The following PRELID3B variants were observed in gnomAD, a reference collection of about 807,000 sequenced individuals.
The protein encoded by PRELID3B is PRELI domain containing 3B, also known as PRELI domain containing protein 3B.
PRELID3B carries 15 observed loss-of-function variants against 24.0 expected under a neutral mutation model. The ratio of observed to expected loss-of-function variants is 0.63; its 90% confidence interval spans 0.42 to 0.96. The LOEUF is 0.96. PRELID3B is among the 40% of genes least tolerant of loss of function. PRELID3B has a pLI of 0.00. For synonymous variants in PRELID3B, 62 were observed against 76.0 expected (o/e 0.82, Z 0.96); for missense variants, 189 against 236.0 (o/e 0.80, Z 1.30).
At chr20:59,036,808 A>T (rs2092076500) in intron 3 of PRELID3B, 48 bp from the exon 4 acceptor site, 5 of 1,285,552 alleles carry the variant, frequency 3.9e-6, no homozygotes, top group Non-Finnish European at 5.4e-6. Context: ...TTGGAACTGA[A>T]GATTCAAAAT....
Position 59,038,617 on chromosome 20 carries a change from A to G in PRELID3B, c.50T>C (p.Val17Ala), listed in dbSNP as rs1391477614. 1.2e-6 allele frequency: 2 copies of G among 1,603,958 alleles called. No homozygotes were observed. The highest frequency in any genetic ancestry group is 8.5e-7 in the Non-Finnish European group (1 of 1,176,206). Residue 17 changes from valine to alanine, a missense_variant, in exon 2 of 6, where the codon GTT becomes GCT. Physicochemically the swap from Val to Ala is moderately conservative, Grantham distance 64. Coordinates refer to ENST00000355937, the MANE Select transcript of PRELID3B (RefSeq NM_016045.3). ...EHVFDHPWET[V>A]TTAAMQKYPN... ...GTATTTCTGCATTGCAGCTGTTGTA[A>G]CAGTTTCCCACGGGTGGCTGCCGAT...
chr20:59,042,557 C>G (rs1218100667), intron 1 of PRELID3B, 142 bp downstream of exon 1: 10 of 747,660 alleles, frequency 1.3e-5, no homozygotes, highest in Non-Finnish European at 1.8e-5. Context: ...CCCTCCGTGT[C>G]GCCGGGGCCC....
Position 59,036,553 on chromosome 20 carries a change from G to A in PRELID3B, c.383C>T (p.Ala128Val). ...GCTAACTCCTTTCACGGTAATTATG[G>A]CTTCTTGTGTCAAAACAGTTCTGGA... is the stretch of plus-strand genomic sequence containing the variant. ...DPEKTVLTQE[A>V]IITVKGVSLS... Residue 128 changes from alanine to valine, a missense_variant, in exon 5 of 6, where the codon GCC becomes GTC. Physicochemically the swap from Ala to Val is moderately conservative, Grantham distance 64 (BLOSUM62 0). Transcript: ENST00000355937. The A allele has an allele frequency of 6.2e-7, 1 of 1,614,054 alleles. No homozygotes were observed. Among genetic ancestry groups the A allele is most frequent in the Non-Finnish European group, 8.5e-7 (1 of 1,179,932 alleles).
rs760700006 is a variant in PRELID3B, at chr20:59,038,614, G to A, written c.53C>T (p.Thr18Ile). The A allele has an allele frequency of 1.9e-6, 3 of 1,593,516 alleles. No homozygotes were observed. Among genetic ancestry groups the A allele is most frequent in the South Asian group, 2.3e-5 (2 of 88,658 alleles). The part of the protein sequence containing the change: ...HVFDHPWETV[T>I]TAAMQKYPNP... ...TGGGTATTTCTGCATTGCAGCTGTT[G>A]TAACAGTTTCCCACGGGTGGCTGCC... Residue 18 changes from threonine (T) to isoleucine (I), a missense_variant, in exon 2 of 6, where the codon ACA becomes ATA. Transcript: ENST00000355937.
Position 59,034,395 on chromosome 20 carries a change from A to G in PRELID3B, c.*612T>C, listed in dbSNP as rs1162909550. 1 of 152,642 alleles carries G rather than the reference A, an allele frequency of 6.6e-6. No homozygotes were observed. The highest frequency in any genetic ancestry group is 1.5e-5 in the Non-Finnish European group (1 of 68,046). The allele number at this position is 152,642 out of a possible 1,614,324, so 9.5% of individuals were successfully genotyped here. On this transcript the variant is annotated 3_prime_UTR_variant, in exon 6 of 6. Transcript: ENST00000355937. Reference sequence around the variant, plus strand: ...CTAAGTTACAAAACTTGGGCAAATCAATACAGTACTCTTTTATAATGAAAC... The same window carrying G: ...CTAAGTTACAAAACTTGGGCAAATCGATACAGTACTCTTTTATAATGAAAC...
intron 1 of PRELID3B, among the ~76,000 whole-genome samples, chr20:59,039,064 A>G (rs2092094381): frequency 6.6e-6 from 1 of 152,264 alleles, no homozygotes; most frequent in Non-Finnish European, 1.5e-5. Context: ...CGGAAGTAAC[A>G]AAAGTAAAAG....
Position 59,034,702 on chromosome 20 carries a change from A to C in PRELID3B, c.*305T>G. ...GGAGTTCCAATGTATGAAAAGCTTG[A>C]AAAATCTACCTTAAGGAGACTGAAT... is the stretch of plus-strand genomic sequence containing the variant. On this transcript the variant is annotated 3_prime_UTR_variant, in exon 6 of 6. Transcript: ENST00000355937. The C allele has an allele frequency of 4.3e-6, 1 of 231,026 alleles. No individual in the cohort carries two copies. The highest frequency in any genetic ancestry group is 9.8e-5 in the South Asian group (1 of 10,170). 14.3% of individuals were successfully genotyped at this position (231,026 alleles called of 1,614,324 possible).
At position 59,036,908 on chromosome 20, in the gene PRELID3B, CCTA is replaced by C. The variant is rs749091188; in HGVS notation, c.292-151_292-149del. The C allele has an allele frequency of 1.3e-4, 82 of 637,114 alleles. 1 individual carries two copies. Among genetic ancestry groups the C allele is most frequent in the Non-Finnish European group, 2.1e-4 (77 of 368,778 alleles). The allele number at this position is 637,114 out of a possible 1,614,324, so 39.5% of individuals were successfully genotyped here. On this transcript the variant is annotated intron_variant, in intron 3 of 5. Coordinates refer to ENST00000355937, the MANE Select transcript of PRELID3B (RefSeq NM_016045.3). The stretch of plus-strand genomic sequence containing the variant: ...CTATTATTGCATAAACTATTCACTG[CCTA>C]CTTTTTATTTAAAAAGCAAAGTTGA...
Position 59,034,871 on chromosome 20 carries a change from T to C in PRELID3B, c.*136A>G, listed in dbSNP as rs2092058802. ...CTGCATCTGTTTTGATCAAGTCACA[T>C]AGCCTTACACCAACTTATCAAAAAA... is the stretch of plus-strand genomic sequence containing the variant. On this transcript the variant is annotated 3_prime_UTR_variant, in exon 6 of 6. Coordinates refer to ENST00000355937, the MANE Select transcript of PRELID3B (RefSeq NM_016045.3). 5.8e-6 allele frequency: 4 copies of C among 693,534 alleles called. No homozygotes were observed. Among genetic ancestry groups the C allele is most frequent in the Middle Eastern group, 4.7e-4 (1 of 2,114 alleles). The allele number at this position is 693,534 out of a possible 1,614,324, so 43.0% of individuals were successfully genotyped here. A position where few individuals can be genotyped will look rare whatever the true frequency, so the allele number is the denominator to read the frequency against.
At chr20:59,041,279 C>T (rs1262129111) in intron 1 of PRELID3B, among the ~76,000 whole-genome samples, 1 of 152,172 alleles carries the variant, frequency 6.6e-6, no homozygotes, top group Non-Finnish European at 1.5e-5. Flanking sequence ...CCACAAATTT[C>T]GGGTCTTTTT....
intron 1 of PRELID3B, 85 bp from the exon 2 acceptor site, chr20:59,038,719 C>G (rs971811011): frequency 6.2e-6 from 9 of 1,440,234 alleles, no homozygotes; most frequent in Non-Finnish European, 8.3e-6. Flanking sequence ...TATAATCTAT[C>G]AAATCATTCA....
Position 59,038,581 on chromosome 20 carries a change from A to G in PRELID3B, c.86T>C (p.Met29Thr). 1 of 1,613,360 alleles carries G rather than the reference A, an allele frequency of 6.2e-7. No individual in the cohort carries two copies. Among genetic ancestry groups the G allele is most frequent in the East Asian group, 2.2e-5 (1 of 44,872 alleles). ...ATCAACTCCAACCACACTTGGGTTCATAGGGTTTGGGTATTTCTGCATTGC... is the reference window on the plus strand; with the variant it reads ...ATCAACTCCAACCACACTTGGGTTCGTAGGGTTTGGGTATTTCTGCATTGC... Reference protein sequence around the residue: ...TAAMQKYPNPMNPSVVGVDVL... With the variant: ...TAAMQKYPNPTNPSVVGVDVL... Residue 29 changes from methionine to threonine, a missense_variant, in exon 2 of 6, where the codon ATG (methionine) becomes ACG (threonine). Met to Thr is a moderately conservative substitution (Grantham distance 81). Transcript: ENST00000355937.
intron 2 of PRELID3B, among the ~76,000 whole-genome samples, chr20:59,037,676 G>T (rs901593363): frequency 1.3e-5 from 2 of 152,192 alleles, no homozygotes; most frequent in African/African-American, 2.4e-5. Context: ...CAAGGGAGGG[G>T]GCACCTCAGC....
intron 1 of PRELID3B, among the ~76,000 whole-genome samples, chr20:59,041,661 G>A (rs1214318028): frequency 6.6e-6 from 1 of 152,180 alleles, no homozygotes; most frequent in Non-Finnish European, 1.5e-5. Context: ...TTTGAACACG[G>A]GAGACGGAGG....
intron 1 of PRELID3B, among the ~76,000 whole-genome samples, chr20:59,039,083 G>A (rs972336702): frequency 2.0e-5 from 3 of 152,094 alleles, no homozygotes; most frequent in Non-Finnish European, 4.4e-5. Flanking sequence ...AGAGTTTATG[G>A]GCACTATAAA....
intron 5 of PRELID3B, 102 bp from the exon 6 acceptor site, chr20:59,035,228 C>T: frequency 9.1e-7 from 1 of 1,096,880 alleles, no homozygotes; most frequent in Non-Finnish European, 1.3e-6. Context: ...ACAAGTTTAA[C>T]TCAATCTCAG....
chr20:59,035,804 G>A (rs1161468251), intron 5 of PRELID3B, among the ~76,000 whole-genome samples: 1 of 152,156 alleles, frequency 6.6e-6, no homozygotes, highest in Non-Finnish European at 1.5e-5. Context: ...GCTCCCTGCT[G>A]TATACCCTGT....
chr20:59,036,661 A>T (rs185399172), intron 4 of PRELID3B, 29 bp downstream of exon 4: 21 of 1,582,790 alleles, frequency 1.3e-5, no homozygotes, highest in Non-Finnish European at 1.7e-5. Flanking sequence ...ACCCTTTACG[A>T]TACATTTGTT....
chr20:59,041,866 G>C (rs965432177), intron 1 of PRELID3B, among the ~76,000 whole-genome samples: 1 of 152,186 alleles, frequency 6.6e-6, no homozygotes, highest in East Asian at 1.9e-4. Flanking sequence ...GCGGAACAGA[G>C]CAGGTAACTC....
Sources: gnomAD v4.1 joint callset for allele counts (sites outside exome capture counted in the v4.1 genomes callset) on GRCh38, gnomAD v4.1.1 for gene constraint, MANE v1.5 for transcripts, NCBI Gene and HGNC (gene_info 2026-07-23, HGNC 2026-07-21) for gene names.